Variants in SYT16 observed in about 807,000 individuals in gnomAD.
The protein encoded by SYT16 is synaptotagmin 16.
SYT16 carries 42 observed loss-of-function variants against 61.4 expected under a neutral mutation model. The ratio of observed to expected loss-of-function variants is 0.68; its 90% CI spans 0.53 to 0.89. The LOEUF (loss-of-function observed/expected upper bound fraction) is 0.89. SYT16 is among the 40% of genes least tolerant of loss of function. SYT16 has a pLI of 0.00. For synonymous variants in SYT16, 314 were observed against 302.3 expected, an observed-to-expected ratio of 1.04 and a Z score of -0.40; for missense variants, 804 against 807.3, an observed-to-expected ratio of 1.00 and a Z score of 0.05.
chr14:61,971,469 A>G (rs1483023297), intron 2 of SYT16, among the ~76,000 whole-genome samples: 1 of 152,214 alleles, frequency 6.6e-6, no homozygotes, highest in East Asian at 1.9e-4. Flanking sequence ...AACCCTCCAC[A>G]AGGCTACTTG....
chr14:61,835,380 T>A (rs2046095398), intron 1 of SYT16, among the ~76,000 whole-genome samples: 1 of 149,022 alleles, frequency 6.7e-6, no homozygotes, highest in South Asian at 2.2e-4. Context: ...TGCTTCAGCC[T>A]CCCAAGTAAC....
intron 1 of SYT16, among the ~76,000 whole-genome samples, chr14:61,878,169 CT>C (rs1438982750): frequency 6.6e-6 from 1 of 152,160 alleles, no homozygotes; most frequent in Non-Finnish European, 1.5e-5. Flanking sequence ...TCCTCTTTGC[CT>C]CTTCTTTTTA....
At chr14:62,048,256 A>T (rs929514236) in intron 3 of SYT16, among the ~76,000 whole-genome samples, 7 of 152,036 alleles carry the variant, frequency 4.6e-5, no homozygotes, top group Non-Finnish European at 7.4e-5. Context: ...TTTCTAGTTT[A>T]TTTGCATGGA....
intron 1 of SYT16, among the ~76,000 whole-genome samples, chr14:61,834,788 G>A (rs529826511): frequency 6.6e-6 from 1 of 152,070 alleles, no homozygotes; most frequent in South Asian, 2.1e-4. Context: ...CAGTTGTACT[G>A]GTATATAAAT....
intron 1 of SYT16, among the ~76,000 whole-genome samples, chr14:61,964,890 A>AT (rs775996447): frequency 9.3e-5 from 14 of 150,796 alleles, no homozygotes; most frequent in Non-Finnish European, 1.6e-4. Flanking sequence ...GGGATCAGTG[A>AT]TTTTTAGCTT....
chr14:62,069,924 G>T, intron 4 of SYT16, 109 bp downstream of exon 4: 9 of 1,266,408 alleles, frequency 7.1e-6, no homozygotes, highest in Non-Finnish European at 9.9e-6. Flanking sequence ...GAGAGGAAAA[G>T]AAAATGAGGC....
chr14:61,901,069 A>G (rs76853274), intron 1 of SYT16, among the ~76,000 whole-genome samples: 6,483 of 152,170 alleles, frequency 0.043, 446 homozygotes, highest in African/African-American at 0.14. Flanking sequence ...CTTACTTGTG[A>G]TACCTCCTCC....
chr14:61,974,736 T>A (rs1361258456), intron 2 of SYT16, among the ~76,000 whole-genome samples: 1 of 152,230 alleles, frequency 6.6e-6, no homozygotes, highest in Non-Finnish European at 1.5e-5. Context: ...TTCTCAACAC[T>A]GAGTTGGGAA....
intron 1 of SYT16, among the ~76,000 whole-genome samples, chr14:61,823,815 A>G (rs1054554526): frequency 2.0e-5 from 3 of 152,208 alleles, no homozygotes; most frequent in African/African-American, 7.2e-5. Context: ...TGACTGCTTT[A>G]TGATACTGTT....
At chr14:61,890,817 G>A (rs1224805339) in intron 1 of SYT16, among the ~76,000 whole-genome samples, 2 of 152,156 alleles carry the variant, frequency 1.3e-5, no homozygotes, top group Admixed American at 1.3e-4. Context: ...CTGGCTTCCT[G>A]CATGTGGGGG....
chr14:61,894,055 G>A (rs1226692234), intron 1 of SYT16, among the ~76,000 whole-genome samples: 4 of 152,248 alleles, frequency 2.6e-5, no homozygotes, highest in South Asian at 2.1e-4. Context: ...AGGCCAAGGC[G>A]GGCAGATTAC....
chr14:61,963,723 G>C (rs765372322), intron 1 of SYT16, among the ~76,000 whole-genome samples: 17 of 152,172 alleles, frequency 1.1e-4, no homozygotes, highest in Non-Finnish European at 2.1e-4. Flanking sequence ...ACTGGAAGAA[G>C]AGGCCACCTA....
At chr14:62,025,156 G>T (rs562661535) in intron 3 of SYT16, among the ~76,000 whole-genome samples, 1 of 152,084 alleles carries the variant, frequency 6.6e-6, no homozygotes. Flanking sequence ...CACAATTGTT[G>T]TATCATATAG....
intron 1 of SYT16, among the ~76,000 whole-genome samples, chr14:61,906,787 G>GTCCGTCCGTCCA (rs375002498): frequency 2.1e-5 from 3 of 142,316 alleles, no homozygotes; most frequent in African/African-American, 8.1e-5. Flanking sequence ...CCGTCCGTCC[G>GTCCGTCCGTCCA]TCCATCCATC....
intron 1 of SYT16, among the ~76,000 whole-genome samples, chr14:61,907,553 C>T (rs2048769839): frequency 1.3e-5 from 2 of 152,200 alleles, no homozygotes; most frequent in South Asian, 4.1e-4. Flanking sequence ...AGCAGACTCA[C>T]ACACATGGCT....
chr14:61,901,829 T>G (rs780341840), intron 1 of SYT16, among the ~76,000 whole-genome samples: 35 of 151,702 alleles, frequency 2.3e-4, no homozygotes, highest in Admixed American at 9.2e-4. Context: ...TGGTGCAATC[T>G]TGGCTCACTG....
intron 1 of SYT16, among the ~76,000 whole-genome samples, chr14:61,850,563 TA>T (rs991646642): frequency 6.6e-6 from 1 of 152,234 alleles, no homozygotes; most frequent in African/African-American, 2.4e-5. Flanking sequence ...GTTCTTAAAA[TA>T]AAAAACATTT....
intron 1 of SYT16, among the ~76,000 whole-genome samples, chr14:61,920,367 C>T (rs1006753264): frequency 2.6e-5 from 4 of 152,126 alleles, no homozygotes; most frequent in Non-Finnish European, 5.9e-5. Flanking sequence ...ATCAAGCTGT[C>T]ATCTAGGTTT....
chr14:61,929,392 G>A lies in SYT16; in HGVS notation c.-324-40740G>A, dbSNP rs545114948. 2.6e-5 allele frequency among the ~76,000 whole-genome samples: 4 copies of A among 152,332 alleles called. No individual in the cohort carries two copies. The South Asian group carries it at 8.3e-4, about 32-fold the overall frequency. On this transcript the variant is annotated intron_variant, in intron 1 of 7. Transcript: ENST00000683842. The stretch of plus-strand genomic sequence containing the variant: ...GAGAAAAGTGTTTATGTTGTTTGTA[G>A]GGGAGGATGCGTACAAGTCAGGTGA...
Sources: gnomAD v4.1 joint callset for allele counts (sites outside exome capture counted in the v4.1 genomes callset) on GRCh38, gnomAD v4.1.1 for gene constraint, MANE v1.5 for transcripts, NCBI Gene and HGNC (gene_info 2026-07-23, HGNC 2026-07-21) for gene names.